The following ZMAT4 variants were observed in gnomAD, a reference collection of about 807,000 sequenced individuals.
ZMAT4 encodes the protein zinc finger matrin-type 4.
A neutral mutation model predicts 28.7 loss-of-function variants in ZMAT4; 17 were observed. The ratio of observed to expected loss-of-function variants is 0.59; its 90% CI spans 0.41 to 0.89. ZMAT4 has a LOEUF of 0.89. Ranked by LOEUF, ZMAT4 falls within the 40% of genes least tolerant of loss-of-function variation. The probability of loss-of-function intolerance (pLI) is 0.00; values close to 1 mark genes in which losing one functional copy is unlikely to be tolerated. For synonymous variants in ZMAT4, 117 were observed against 109.2 expected (o/e 1.07, Z -0.44); for missense variants, 240 against 283.8 (o/e 0.85, Z 1.11).
chr8:40,697,184 T>G (rs1220716155), intron 4 of ZMAT4, 61 bp downstream of exon 4: 1 of 1,484,116 alleles, frequency 6.7e-7, no homozygotes, highest in African/African-American at 1.4e-5. Flanking sequence ...GAGCATGATC[T>G]GCAAGACAGG....
chr8:40,884,777 C>A (rs1818400291), intron 1 of ZMAT4: 1 of 152,268 alleles, frequency 6.6e-6, no homozygotes, highest in Non-Finnish European at 1.5e-5. Flanking sequence ...CCAAGGTCAG[C>A]AAACCTATGG....
chr8:40,866,865 T>C (rs756930906), intron 1 of ZMAT4, among the ~76,000 whole-genome samples: 1 of 152,170 alleles, frequency 6.6e-6, no homozygotes, highest in Non-Finnish European at 1.5e-5. Flanking sequence ...TTTATACACA[T>C]ACATATGGCA....
At chr8:40,598,412 T>C (rs1040352152) in intron 5 of ZMAT4, among the ~76,000 whole-genome samples, 1 of 152,158 alleles carries the variant, frequency 6.6e-6, no homozygotes, top group Non-Finnish European at 1.5e-5. Flanking sequence ...CCACCCTGTG[T>C]CCCTGTATTC....
At chr8:40,897,386 C>T (rs1288967805) in intron 1 of ZMAT4, among the ~76,000 whole-genome samples, 2 of 152,116 alleles carry the variant, frequency 1.3e-5, no homozygotes, top group African/African-American at 4.8e-5. Flanking sequence ...CTTCTTTCAC[C>T]CAGCACACCC....
chr8:40,785,772 T>C (rs1814046330), intron 2 of ZMAT4, among the ~76,000 whole-genome samples: 1 of 152,170 alleles, frequency 6.6e-6, no homozygotes, highest in South Asian at 2.1e-4. Context: ...AAAGTCTTCA[T>C]CCTAACGTTA....
At chr8:40,632,703 G>A (rs1384834836) in intron 5 of ZMAT4, among the ~76,000 whole-genome samples, 3 of 152,150 alleles carry the variant, frequency 2.0e-5, no homozygotes, top group Admixed American at 6.5e-5. Context: ...GCCAACACCT[G>A]GATTTCTGAA....
Position 40,531,409 on chromosome 8 carries a change from T to C in ZMAT4, c.*814A>G, listed in dbSNP as rs576502997. On this transcript the variant is annotated 3_prime_UTR_variant, in exon 7 of 7. Transcript: ENST00000297737. ...CAAACATCATAAAAAAAAATACTTG[T>C]TTATTTCCATCTCATTCTGGGGTTT... 2 of 152,394 alleles carry C rather than the reference T, an allele frequency of 1.3e-5. No individual in the cohort carries two copies. Among genetic ancestry groups the C allele is most frequent in the South Asian group, 4.1e-4 (2 of 4,822 alleles). 9.4% of individuals were successfully genotyped at this position (152,394 alleles called of 1,614,324 possible). A position where few individuals can be genotyped will look rare whatever the true frequency, so the allele number is the denominator to read the frequency against.
rs1263008709 is a variant in ZMAT4 at position 40,530,905 on chromosome 8, T to G, written c.*1318A>C. On this transcript the variant is annotated 3_prime_UTR_variant, in exon 7 of 7. Transcript: ENST00000297737. ...AACAGGCTCCTTCATAACAACACTG[T>G]GCATTTCTGTGTCATTTTGTTTATT... 6.6e-6 allele frequency: 1 copy of G among 152,532 alleles called. No homozygotes were observed. Among genetic ancestry groups the G allele is most frequent in the Non-Finnish European group, 1.5e-5 (1 of 68,036 alleles). The allele number at this position is 152,532 out of a possible 1,614,324, so 9.4% of individuals were successfully genotyped here. A position where few individuals can be genotyped will look rare whatever the true frequency, so the allele number is the denominator to read the frequency against.
chr8:40,608,506 T>A (rs866041080), intron 5 of ZMAT4, among the ~76,000 whole-genome samples: 2 of 152,156 alleles, frequency 1.3e-5, no homozygotes, highest in Non-Finnish European at 2.9e-5. Context: ...GCCTCCCTGC[T>A]GAGAAAGCAG....
intron 5 of ZMAT4, among the ~76,000 whole-genome samples, chr8:40,647,059 C>T (rs1807354814): frequency 6.6e-6 from 1 of 152,106 alleles, no homozygotes; most frequent in African/African-American, 2.4e-5. Flanking sequence ...ATTTGAGAGT[C>T]TGGGGGGAGG....
chr8:40,642,662 C>T (rs1807092810), intron 5 of ZMAT4, among the ~76,000 whole-genome samples: 1 of 152,186 alleles, frequency 6.6e-6, no homozygotes, highest in Non-Finnish European at 1.5e-5. Context: ...AAGCTATCTG[C>T]TAGAGGAGGG....
At chr8:40,845,011 A>G (rs1586156701) in intron 1 of ZMAT4, among the ~76,000 whole-genome samples, 1 of 152,196 alleles carries the variant, frequency 6.6e-6, no homozygotes, top group South Asian at 2.1e-4. Context: ...GCACATACTC[A>G]TGCACCAGAA....
At chr8:40,653,542 A>G (rs1428397304) in intron 5 of ZMAT4, among the ~76,000 whole-genome samples, 1 of 152,118 alleles carries the variant, frequency 6.6e-6, no homozygotes, top group Non-Finnish European at 1.5e-5. Flanking sequence ...TAACTCACAA[A>G]TTACTAAACT....
chr8:40,710,869 C>A (rs534747128), intron 3 of ZMAT4, among the ~76,000 whole-genome samples: 12 of 152,196 alleles, frequency 7.9e-5, no homozygotes, highest in African/African-American at 2.2e-4. Flanking sequence ...CAACCTCCAC[C>A]TCCCGGGTTC....
At chr8:40,698,813 A>G (rs375584103) in intron 3 of ZMAT4, among the ~76,000 whole-genome samples, 101 of 152,120 alleles carry the variant, frequency 6.6e-4, no homozygotes, top group African/African-American at 2.3e-3. Context: ...GGCTTGCCTG[A>G]AGTTCAGGGA....
intron 1 of ZMAT4, 40 bp from the exon 2 acceptor site, chr8:40,825,720 C>T (rs1816010837): frequency 2.0e-6 from 3 of 1,478,388 alleles, no homozygotes; most frequent in Non-Finnish European, 2.8e-6. Flanking sequence ...GAGTCCACTG[C>T]TTTGATGTTT....
intron 5 of ZMAT4, among the ~76,000 whole-genome samples, chr8:40,613,180 C>CTTTTT (rs34687121): frequency 3.0e-3 from 241 of 79,980 alleles, no homozygotes; most frequent in Non-Finnish European, 4.3e-3. Flanking sequence ...TACTTTCTTT[C>CTTTTT]TTTTTTTTTT....
chr8:40,536,051 C>T (rs555398767), intron 6 of ZMAT4, among the ~76,000 whole-genome samples: 1 of 152,252 alleles, frequency 6.6e-6, no homozygotes, highest in East Asian at 1.9e-4. Flanking sequence ...CAGCCTATTG[C>T]CTGAGAACTG....
intron 6 of ZMAT4, among the ~76,000 whole-genome samples, chr8:40,543,487 C>T (rs764296290): frequency 3.3e-5 from 5 of 152,188 alleles, no homozygotes; most frequent in Non-Finnish European, 5.9e-5. Flanking sequence ...CCCCAAATAA[C>T]GATATCCTCC....
Sources: allele counts gnomAD v4.1 joint callset (sites outside exome capture counted in the v4.1 genomes callset), GRCh38; gene constraint gnomAD v4.1.1; transcripts MANE v1.5; gene names NCBI Gene and HGNC (gene_info 2026-07-23, HGNC 2026-07-21).